The following SHB variants were observed in gnomAD, a reference collection of about 807,000 sequenced individuals.
SHB encodes the protein SH2 domain containing adaptor protein B.
Under a neutral mutation model 52.3 loss-of-function variants are expected in SHB, and 20 were observed. That is an observed-to-expected ratio of 0.38 (90% CI 0.27 to 0.56). SHB has a LOEUF of 0.56. Among genes scored for constraint, SHB ranks in the 20% least tolerant of loss-of-function variants. The pLI, the probability that SHB is intolerant of heterozygous loss-of-function variation, is 0.71. For missense variants in SHB, 825 were observed against 723.3 expected (o/e 1.14, Z -1.61); for synonymous variants, 397 against 316.5 (o/e 1.25, Z -2.70).
chr9:37,960,933 C>T (rs1832686960), intron 3 of SHB, among the ~76,000 whole-genome samples: 1 of 152,234 alleles, frequency 6.6e-6, no homozygotes, highest in Non-Finnish European at 1.5e-5. Context: ...AGGCTCACCC[C>T]ACCCTTGGGT....
At position 37,919,632 on chromosome 9, in the gene SHB, T is replaced by G; in HGVS notation, c.*189A>C. 1 of 516,538 alleles carries G rather than the reference T, an allele frequency of 1.9e-6. No individual in the cohort carries two copies. 32.0% of individuals were successfully genotyped at this position (516,538 alleles called of 1,614,324 possible). A position where few individuals can be genotyped will look rare whatever the true frequency, so the allele number is the denominator to read the frequency against. The stretch of plus-strand genomic sequence containing the variant: ...CTGGGGTGGTGTGTTGCCGCCCTTC[T>G]GTCTTTATCCAGGCCTTCTCCAGCC... On this transcript the variant is annotated 3_prime_UTR_variant, in exon 6 of 6. Transcript: ENST00000377707.
intron 5 of SHB, among the ~76,000 whole-genome samples, chr9:37,935,814 C>CA (rs1383466645): frequency 6.6e-6 from 1 of 152,186 alleles, no homozygotes; most frequent in East Asian, 1.9e-4. Context: ...AAAGTACCCC[C>CA]AAATAACTGA....
chr9:37,967,589 C>T (rs1475854620), intron 3 of SHB, among the ~76,000 whole-genome samples: 1 of 152,224 alleles, frequency 6.6e-6, no homozygotes, highest in African/African-American at 2.4e-5. Flanking sequence ...TATCCCAACC[C>T]CACACCTAAT....
intron 4 of SHB, among the ~76,000 whole-genome samples, chr9:37,949,352 C>T (rs1439775088): frequency 7.2e-6 from 1 of 139,282 alleles, no homozygotes; most frequent in Non-Finnish European, 1.5e-5. Flanking sequence ...AAGATCATGC[C>T]ACTGCACTCC....
intron 1 of SHB, among the ~76,000 whole-genome samples, chr9:38,047,236 T>C (rs1821662670): frequency 6.6e-6 from 1 of 152,248 alleles, no homozygotes; most frequent in African/African-American, 2.4e-5. Context: ...TGAAAAATAG[T>C]ATCTTCCTTA....
chr9:37,930,387 T>TGGGGTGTGACAAGCTGGGGTGG (rs1832299229), intron 5 of SHB, among the ~76,000 whole-genome samples: 1 of 146,362 alleles, frequency 6.8e-6, no homozygotes. Context: ...TCTGCAGTAA[T>TGGGGTGTGACAAGCTGGGGTGG]GGGGTGTGAC....
chr9:38,065,475 C>T (rs1239446691), intron 1 of SHB, among the ~76,000 whole-genome samples: 1 of 152,180 alleles, frequency 6.6e-6, no homozygotes, highest in Non-Finnish European at 1.5e-5. Flanking sequence ...GGAATGCAAA[C>T]ACTCAGGTCC....
intron 2 of SHB, among the ~76,000 whole-genome samples, chr9:37,984,519 C>T (rs183566362): frequency 3.9e-5 from 6 of 152,246 alleles, no homozygotes; most frequent in Admixed American, 2.0e-4. Context: ...GGGACTAGGC[C>T]CCAGGCTCCT....
chr9:38,036,045 T>C (rs1050438175), intron 1 of SHB, among the ~76,000 whole-genome samples: 4 of 152,044 alleles, frequency 2.6e-5, no homozygotes, highest in African/African-American at 9.7e-5. Flanking sequence ...TCGCTCAAGG[T>C]CATACAGTGA....
In SHB at chr9:38,068,213, C is replaced by G; in HGVS notation, c.433G>C (p.Gly145Arg). 7.2e-7 allele frequency: 1 copy of G among 1,394,932 alleles called. No individual in the cohort carries two copies. Among genetic ancestry groups the G allele is most frequent in the Admixed American group, 3.8e-5 (1 of 26,434 alleles). 86.4% of individuals were successfully genotyped at this position (1,394,932 alleles called of 1,614,324 possible). ...GACGAGGACGCGGCGGCCCCCGCGC[C>G]CGAGGAGGCGCAGCAACAGCCCGCG... Reference protein sequence around the residue: ...GAAGCCCASSGAGAAASSSSS... With the variant: ...GAAGCCCASSRAGAAASSSSS... Residue 145 changes from glycine to arginine, a missense_variant, in exon 1 of 6, where the codon GGC (glycine) becomes CGC (arginine). Transcript: ENST00000377707.
chr9:38,056,190 T>C (rs1043673374), intron 1 of SHB, among the ~76,000 whole-genome samples: 5 of 151,988 alleles, frequency 3.3e-5, no homozygotes, highest in Non-Finnish European at 7.4e-5. Context: ...CAATACAGGG[T>C]ACCCAGACAC....
rs975641667 is a variant in SHB, at chr9:37,986,811, G to A, written c.839-11974C>T. Among the ~76,000 whole-genome samples the A allele has an allele frequency of 2.4e-4, 37 of 152,224 alleles. 1 individual carries two copies. The highest frequency in any genetic ancestry group is 2.0e-4 in the Admixed American group (3 of 15,284). On this transcript the variant is annotated intron_variant, in intron 2 of 5. Coordinates refer to ENST00000377707, the MANE Select transcript of SHB (RefSeq NM_003028.3). The stretch of plus-strand genomic sequence containing the variant: ...GGGGCCCCTGTGCTGCAGAGAGCCA[G>A]GGCCCAGCAGGGACTTCACAGGGCT...
chr9:37,957,080 AGGCTGCTGTGAAG>A (rs1487784053), intron 3 of SHB, among the ~76,000 whole-genome samples: 6 of 152,198 alleles, frequency 3.9e-5, no homozygotes, highest in Non-Finnish European at 7.3e-5. Context: ...TTGAGTCCCC[AGGCTGCTGTGAAG>A]GTCAGATAAG....
At chr9:37,955,536 AG>A (rs1832618955) in intron 4 of SHB, among the ~76,000 whole-genome samples, 1 of 152,128 alleles carries the variant, frequency 6.6e-6, no homozygotes, top group African/African-American at 2.4e-5. Context: ...CGACTGCAGT[AG>A]TGTGATCACA....
chr9:38,063,397 CCCA>C, intron 1 of SHB, among the ~76,000 whole-genome samples: 1 of 152,356 alleles, frequency 6.6e-6, no homozygotes, highest in East Asian at 1.9e-4. Context: ...TCTGCAGTCT[CCCA>C]CCACACCTGC....
At chr9:37,945,071 C>T (rs1013967058) in intron 5 of SHB, among the ~76,000 whole-genome samples, 3 of 152,102 alleles carry the variant, frequency 2.0e-5, no homozygotes, top group African/African-American at 4.8e-5. Context: ...GAAGGGTGCA[C>T]GGGGTGTCCT....
intron 1 of SHB, among the ~76,000 whole-genome samples, chr9:38,051,471 G>A (rs1455128835): frequency 1.3e-5 from 2 of 151,104 alleles, no homozygotes; most frequent in East Asian, 1.9e-4. Flanking sequence ...AAAATTCAAG[G>A]CAGAGGGACA....
intron 1 of SHB, among the ~76,000 whole-genome samples, chr9:38,060,958 T>G (rs1386604365): frequency 1.3e-5 from 2 of 152,236 alleles, no homozygotes; most frequent in Non-Finnish European, 2.9e-5. Flanking sequence ...GATGGTGGCC[T>G]GCATATAGCA....
chr9:38,005,737 C>T (rs1484917329), intron 2 of SHB, among the ~76,000 whole-genome samples: 1 of 152,170 alleles, frequency 6.6e-6, no homozygotes, highest in African/African-American at 2.4e-5. Flanking sequence ...GAGGAGAGTA[C>T]TAATTAATTA....
Sources: allele counts gnomAD v4.1 joint callset (sites outside exome capture counted in the v4.1 genomes callset), GRCh38; gene constraint gnomAD v4.1.1; transcripts MANE v1.5; gene names NCBI Gene and HGNC (gene_info 2026-07-23, HGNC 2026-07-21).